ADAMTSL5: variants seen among roughly 807,000 people sequenced by gnomAD.
ADAMTSL5 encodes ADAMTS-like protein 5.
ADAMTSL5 carries 53 observed loss-of-function variants against 51.7 expected under a neutral mutation model. The ratio of observed to expected loss-of-function variants is 1.03; its 90% confidence interval spans 0.82 to 1.29. The LOEUF (loss-of-function observed/expected upper bound fraction) is 1.29, where lower values mean the gene tolerates loss of function less well. Among genes scored for constraint, ADAMTSL5 ranks in the 50% most tolerant of loss-of-function variants. The pLI is 0.00. For missense variants in ADAMTSL5, 770 were observed against 676.2 expected (o/e 1.14, Z -1.54); for synonymous variants, 285 against 278.7 (o/e 1.02, Z -0.23).
chr19:1,507,883 G>A, intron 7 of ADAMTSL5, 115 bp downstream of exon 7: 1 of 1,230,880 alleles, frequency 8.1e-7, no homozygotes, highest in Non-Finnish European at 1.1e-6. Context: ...AGGATGAGGA[G>A]AAAGGGGGGC....
At position 1,506,406 on chromosome 19, in the gene ADAMTSL5, A is replaced by C; in HGVS notation, c.1115-90T>G. 6.7e-7 allele frequency: 1 copy of C among 1,489,170 alleles called. No homozygotes were observed. Among genetic ancestry groups the C allele is most frequent in the South Asian group, 1.3e-5 (1 of 75,962 alleles). 92.2% of individuals were successfully genotyped at this position (1,489,170 alleles called of 1,614,324 possible). A position where few individuals can be genotyped will look rare whatever the true frequency, so the allele number is the denominator to read the frequency against. On this transcript the variant is annotated intron_variant, in intron 11 of 11. Transcript: ENST00000330475. This position sits in a 1 kb window ranked among gnomAD's most constrained non-coding sequence, Gnocchi z 5.6. Reference sequence around the variant, plus strand: ...CTTGCCAGAAGAGGGACTGAGGGTCAGGTGGGACCTCGGGATCTATAGGGA... The same window carrying C: ...CTTGCCAGAAGAGGGACTGAGGGTCCGGTGGGACCTCGGGATCTATAGGGA...
At position 1,506,569 on chromosome 19, in the gene ADAMTSL5, G is replaced by C; in HGVS notation, c.1114+21C>G. The stretch of plus-strand genomic sequence containing the variant: ...GCCAGGTTAGTAGGGGCTAAGTCAG[G>C]GTAGAGGTCGGGGGTCTCACCAAAG... On this transcript the variant is annotated intron_variant, in intron 11 of 11. Transcript: ENST00000330475. The surrounding 1 kb of genome is among the most constrained non-coding windows in gnomAD (Gnocchi z 5.6). 6.2e-7 allele frequency: 1 copy of C among 1,608,166 alleles called. No individual in the cohort carries two copies. Among genetic ancestry groups the C allele is most frequent in the South Asian group, 1.1e-5 (1 of 89,598 alleles).
intron 3 of ADAMTSL5, 87 bp downstream of exon 3, chr19:1,510,552 A>G: frequency 4.1e-6 from 6 of 1,477,602 alleles, no homozygotes; most frequent in African/African-American, 2.8e-5. Flanking sequence ...AGGGCACAGC[A>G]TGTGTGGGCA....
At chr19:1,511,588 G>GCCCCCC in intron 1 of ADAMTSL5, 1 of 1,261,286 alleles carries the variant, frequency 7.9e-7, no homozygotes, top group Non-Finnish European at 1.0e-6. Flanking sequence ...TAGGGCTGGG[G>GCCCCCC]CCCCCTCCCC....
Position 1,510,228 on chromosome 19 carries a change from C to T in ADAMTSL5, c.283G>A (p.Asp95Asn). The T allele has an allele frequency of 2.5e-6, 4 of 1,613,338 alleles. No homozygotes were observed. The highest frequency in any genetic ancestry group is 3.4e-6 in the Non-Finnish European group (4 of 1,179,912). ...CCATTGTACAGGGCACACTGTAGGT[C>T]TCGGAAGGGCACAGCCCCTGGGGGG... ...DCPPGAVPFRDLQCALYNGRP... is the reference protein window; with the variant it reads ...DCPPGAVPFRNLQCALYNGRP... The change falls in exon 5 of 12, where the codon GAC (aspartate) becomes AAC (asparagine). Residue 95 changes from aspartate (D) to asparagine (N), a missense_variant. Asp to Asn is a conservative substitution (Grantham distance 23). Coordinates refer to ENST00000330475, the MANE Select transcript of ADAMTSL5 (RefSeq NM_213604.3).
At position 1,510,856 on chromosome 19, in the gene ADAMTSL5, C is replaced by A. The variant is rs1027084023; in HGVS notation, c.88G>T (p.Val30Phe). The A allele has an allele frequency of 2.6e-6, 4 of 1,543,300 alleles. No individual in the cohort carries two copies. In the Admixed American group the frequency reaches 8.2e-5, roughly 32 times the overall value. ...ATGCCCCCCCTTACCTGAGCACTGA[C>A]CCCCAAACCACAGTTCAGCAGGGCC... is the stretch of plus-strand genomic sequence containing the variant. Reference protein sequence around the residue: ...LWALLNCGLGVSAQGPGEWTP... With the variant: ...LWALLNCGLGFSAQGPGEWTP... Residue 30 changes from valine (V) to phenylalanine (F), a missense_variant, in exon 2 of 12, where the codon GTC (valine) becomes TTC (phenylalanine). Transcript: ENST00000330475.
At chr19:1,512,492 C>T (rs1285997319) in intron 1 of ADAMTSL5, among the ~76,000 whole-genome samples, 1 of 152,146 alleles carries the variant, frequency 6.6e-6, no homozygotes, top group Non-Finnish European at 1.5e-5. Context: ...ACCAGCCTGA[C>T]CAACATGGTA....
intron 7 of ADAMTSL5, 72 bp downstream of exon 7, chr19:1,507,926 T>C: frequency 1.4e-6 from 2 of 1,480,360 alleles, no homozygotes; most frequent in South Asian, 2.5e-5. Context: ...GCACGGAAAT[T>C]TGCTTCCGGG....
In ADAMTSL5 at chr19:1,506,229, G is replaced by T. The variant is rs200370374; in HGVS notation, c.1202C>A (p.Ser401Ter). The change falls in exon 12 of 12, where the codon TCG becomes TAG. Residue 401 changes from serine to a stop codon, truncating the protein, a stop_gained. Coordinates refer to ENST00000330475, the MANE Select transcript of ADAMTSL5 (RefSeq NM_213604.3). LOFTEE classifies it high-confidence loss of function. The surrounding 1 kb of genome is among the most constrained non-coding windows in gnomAD (Gnocchi z 5.6). ...CACGTACTCGCGTGCCCGCAGTGGC[G>T]AGCGGTTCTTGTAGACGAGCTGGAT... is the stretch of plus-strand genomic sequence containing the variant. ...VRIQLVYKNR[S>*]PLRAREYVWA... 1.9e-6 allele frequency: 3 copies of T among 1,596,370 alleles called. No individual in the cohort carries two copies. The highest frequency in any genetic ancestry group is 2.7e-5 in the African/African-American group (2 of 74,552).
At position 1,507,672 on chromosome 19, in the gene ADAMTSL5, G is replaced by A. The variant is rs555837718; in HGVS notation, c.602-29C>T. 229 of 1,597,404 alleles carry A rather than the reference G, an allele frequency of 1.4e-4. 3 individuals carry two copies. The South Asian group carries it at 2.5e-3, about 17-fold the overall frequency. On this transcript the variant is annotated intron_variant, in intron 7 of 11. Transcript: ENST00000330475. ...GGTGGGAGGGTAGGAGGGTGTTGGG[G>A]TGCCAGTGGGGGTGTATTTGAGCGA...
At chr19:1,507,738 A>AGCCAGG in intron 7 of ADAMTSL5, 95 bp from the exon 8 acceptor site, 1 of 1,298,114 alleles carries the variant, frequency 7.7e-7, no homozygotes, top group East Asian at 2.4e-5. Context: ...TAAGACAGCT[A>AGCCAGG]GCCAGGGTCC....
intron 5 of ADAMTSL5, 119 bp from the exon 6 acceptor site, chr19:1,508,689 C>G: frequency 7.3e-7 from 1 of 1,369,674 alleles, no homozygotes; most frequent in Non-Finnish European, 9.5e-7. Flanking sequence ...TTGGCCAAAG[C>G]CACACATCGA....
Position 1,508,037 on chromosome 19 carries a change from CGTT to C in ADAMTSL5, c.559_561del (p.Asn187del), listed in dbSNP as rs910531494. ...ACGCGCTGCACGAAAAGGCACGAGT[CGTT>C]GGCGCCTCCGCAGCGGCCACAGCGG... is the stretch of plus-strand genomic sequence containing the variant. On this transcript the variant is annotated inframe_deletion, in exon 7 of 12. Coordinates refer to ENST00000330475, the MANE Select transcript of ADAMTSL5 (RefSeq NM_213604.3). The C allele has an allele frequency of 3.7e-5, 60 of 1,608,540 alleles. No homozygotes were observed. Among genetic ancestry groups the C allele is most frequent in the Non-Finnish European group, 4.5e-5 (53 of 1,178,306 alleles).
At chr19:1,507,440 G>C in intron 8 of ADAMTSL5, 35 bp from the exon 9 acceptor site, 1 of 1,595,860 alleles carries the variant, frequency 6.3e-7, no homozygotes, top group South Asian at 1.1e-5. Flanking sequence ...GGAACCTGTC[G>C]TCTCGTCTCC....
In ADAMTSL5 at chr19:1,507,617, T is replaced by A; in HGVS notation, c.628A>T (p.Thr210Ser). 1 of 1,613,254 alleles carries A rather than the reference T, an allele frequency of 6.2e-7. No individual in the cohort carries two copies. The highest frequency in any genetic ancestry group is 1.1e-5 in the South Asian group (1 of 91,068). The change falls in exon 8 of 12, where the codon ACC becomes TCC. Residue 210 changes from threonine (T) to serine (S), a missense_variant. Transcript: ENST00000330475. ...TGTCTGGCGCCCTCGGGGATCAGGG[T>A]CACGTTCCAGTACCCAGCGAAGGCA... ...AGAFAGYWNVTLIPEGARHIR... is the reference protein window; with the variant it reads ...AGAFAGYWNVSLIPEGARHIR...
Position 1,506,430 on chromosome 19 carries a change from G to T in ADAMTSL5, c.1115-114C>A. On this transcript the variant is annotated intron_variant, in intron 11 of 11. Coordinates refer to ENST00000330475, the MANE Select transcript of ADAMTSL5 (RefSeq NM_213604.3). This position sits in a 1 kb window ranked among gnomAD's most constrained non-coding sequence, Gnocchi z 5.6. Reference sequence around the variant, plus strand: ...CAGGTGGGACCTCGGGATCTATAGGGACTAGAGTCAGGATCACGTCAGGGA... The same window carrying T: ...CAGGTGGGACCTCGGGATCTATAGGTACTAGAGTCAGGATCACGTCAGGGA... 6.9e-7 allele frequency: 1 copy of T among 1,459,300 alleles called. No individual in the cohort carries two copies. The highest frequency in any genetic ancestry group is 9.3e-7 in the Non-Finnish European group (1 of 1,071,720). 90.4% of individuals were successfully genotyped at this position (1,459,300 alleles called of 1,614,324 possible). A position where few individuals can be genotyped will look rare whatever the true frequency, so the allele number is the denominator to read the frequency against.
intron 2 of ADAMTSL5, 37 bp downstream of exon 2, chr19:1,510,808 C>G: frequency 6.6e-7 from 1 of 1,513,480 alleles, no homozygotes; most frequent in Admixed American, 2.1e-5. Context: ...GGTCCCCATT[C>G]CCACTCGCCA....
Position 1,508,501 on chromosome 19 carries a change from A to G in ADAMTSL5, c.431T>C (p.Leu144Pro). Residue 144 changes from leucine to proline, a missense_variant, in exon 6 of 12, where the codon CTG becomes CCG. By Grantham distance (98) the Leu-to-Pro change is moderately conservative. Coordinates refer to ENST00000330475, the MANE Select transcript of ADAMTSL5 (RefSeq NM_213604.3). ...ACCCGGGCTGCAGGCGGTGCCGTCC[A>G]GGACGCGGCCGAAGCTGTGGTAGAA... ...HAFYHSFGRV[L>P]DGTACSPGAQ... 1 of 1,587,462 alleles carries G rather than the reference A, an allele frequency of 6.3e-7. No individual in the cohort carries two copies. The highest frequency in any genetic ancestry group is 8.5e-7 in the Non-Finnish European group (1 of 1,173,742).
chr19:1,507,328 C>T lies in ADAMTSL5; in HGVS notation c.766G>A (p.Gly256Ser), dbSNP rs370999410. The change falls in exon 9 of 12, where the codon GGC becomes AGC. Residue 256 changes from glycine (G) to serine (S), a missense_variant. Coordinates refer to ENST00000330475, the MANE Select transcript of ADAMTSL5 (RefSeq NM_213604.3). ...VSPPGTYEAA[G>S]THVVYTRDTG... Reference sequence around the variant, plus strand: ...TCTCGGGTGTAGACCACATGCGTGCCGGCCGCCTCGTAGGTCCCTGGTGGG... The same window carrying T: ...TCTCGGGTGTAGACCACATGCGTGCTGGCCGCCTCGTAGGTCCCTGGTGGG... 1.9e-5 allele frequency: 31 copies of T among 1,595,662 alleles called. No individual in the cohort carries two copies. The highest frequency in any genetic ancestry group is 8.1e-5 in the African/African-American group (6 of 74,426).
Sources: allele counts gnomAD v4.1 joint callset (sites outside exome capture counted in the v4.1 genomes callset), GRCh38; gene constraint gnomAD v4.1.1; non-coding constraint Gnocchi (gnomAD v3.1); transcripts MANE v1.5; gene names NCBI Gene and HGNC (gene_info 2026-07-23, HGNC 2026-07-21).